RGS9: variants seen among roughly 807,000 people sequenced by gnomAD.
The protein encoded by RGS9 is regulator of G-protein signalling 9.
Under a neutral mutation model 102.0 loss-of-function variants are expected in RGS9, and 78 were observed. The ratio of observed to expected loss-of-function variants is 0.76; its 90% confidence interval spans 0.64 to 0.92. The LOEUF (loss-of-function observed/expected upper bound fraction) is 0.92, where lower values mean the gene tolerates loss of function less well. Among genes scored for constraint, RGS9 ranks in the 40% least tolerant of loss-of-function variants. The pLI is 0.00. For synonymous variants in RGS9, 353 were observed against 318.6 expected (o/e 1.11, Z -1.15); for missense variants, 833 against 866.1 (o/e 0.96, Z 0.48).
intron 12 of RGS9, among the ~76,000 whole-genome samples, chr17:65,196,882 C>G (rs1912609740): frequency 6.6e-6 from 1 of 152,242 alleles, no homozygotes; most frequent in Admixed American, 6.5e-5. Flanking sequence ...TGAGTGTGGG[C>G]TCCCCACGGT....
chr17:65,225,845 G>A (rs1482996012), intron 18 of RGS9, among the ~76,000 whole-genome samples: 1 of 152,230 alleles, frequency 6.6e-6, no homozygotes, highest in African/African-American at 2.4e-5. Flanking sequence ...TGGCAGCAGT[G>A]GGAGCTGCAG....
intron 17 of RGS9, among the ~76,000 whole-genome samples, chr17:65,222,714 G>T (rs551304625): frequency 1.3e-5 from 2 of 152,194 alleles, no homozygotes; most frequent in Non-Finnish European, 2.9e-5. Context: ...AAGTAGAGTT[G>T]CACCTCCCTA....
At chr17:65,212,742 C>T (rs1351940968) in intron 17 of RGS9, among the ~76,000 whole-genome samples, 1 of 152,192 alleles carries the variant, frequency 6.6e-6, no homozygotes, top group African/African-American at 2.4e-5. Context: ...GGTTGCAGAC[C>T]AGTTTCCACT....
chr17:65,188,982 G>A (rs1912247978), intron 9 of RGS9: 6 of 455,214 alleles, frequency 1.3e-5, no homozygotes, highest in Non-Finnish European at 2.0e-5. Flanking sequence ...AGATCATTCT[G>A]TAGGCACTAT....
chr17:65,198,921 G>A (rs1175357289), intron 13 of RGS9, among the ~76,000 whole-genome samples: 1 of 152,178 alleles, frequency 6.6e-6, no homozygotes, highest in Non-Finnish European at 1.5e-5. Flanking sequence ...TGGATGGACT[G>A]GCGAATAAGT....
chr17:65,139,336 A>G (rs971646661), intron 1 of RGS9, among the ~76,000 whole-genome samples: 3 of 150,482 alleles, frequency 2.0e-5, no homozygotes, highest in Non-Finnish European at 3.0e-5. Context: ...CCCCAAATCA[A>G]TGGTGACCTC....
chr17:65,186,180 T>TTATG (rs1181563890), intron 9 of RGS9, among the ~76,000 whole-genome samples: 1 of 150,078 alleles, frequency 6.7e-6, no homozygotes, highest in African/African-American at 2.5e-5. Flanking sequence ...ATTTATTTAT[T>TTATG]TATTTATTTA....
chr17:65,151,064 G>A (rs77887860), intron 1 of RGS9, among the ~76,000 whole-genome samples: 3 of 152,132 alleles, frequency 2.0e-5, no homozygotes, highest in Admixed American at 6.5e-5. Context: ...AATCCTTCAC[G>A]CCAGGTGTGG....
At chr17:65,210,645 G>A (rs1048969780) in intron 17 of RGS9, 40 bp downstream of exon 17, 7 of 1,611,182 alleles carry the variant, frequency 4.3e-6, no homozygotes, top group Non-Finnish European at 5.9e-6. Context: ...ACTCCAAAAA[G>A]AGCTGCCTCC....
intron 13 of RGS9, among the ~76,000 whole-genome samples, chr17:65,197,871 A>G (rs898598786): frequency 2.0e-5 from 3 of 151,956 alleles, no homozygotes; most frequent in Non-Finnish European, 2.9e-5. Flanking sequence ...GGGTTTCACC[A>G]TATTGGCCAC....
At chr17:65,224,681 T>C (rs1194026235) in intron 17 of RGS9, among the ~76,000 whole-genome samples, 1 of 151,918 alleles carries the variant, frequency 6.6e-6, no homozygotes, top group Admixed American at 6.5e-5. Flanking sequence ...AGTTGAGGGG[T>C]GATCGGGAAT....
At chr17:65,161,552 C>T (rs867436571) in intron 6 of RGS9, among the ~76,000 whole-genome samples, 3 of 151,038 alleles carry the variant, frequency 2.0e-5, no homozygotes, top group Admixed American at 6.6e-5. Context: ...GTGCCTGGCC[C>T]GAACTTCAAT....
At chr17:65,179,049 A>G (rs140732595) in intron 9 of RGS9, among the ~76,000 whole-genome samples, 136 of 152,308 alleles carry the variant, frequency 8.9e-4, no homozygotes, top group African/African-American at 3.2e-3. Flanking sequence ...GATCTTAGGT[A>G]GTTTCATTGC....
At position 65,163,106 on chromosome 17, in the gene RGS9, C is replaced by G. The variant is rs761138791; in HGVS notation, c.500+17C>G. On this transcript the variant is annotated intron_variant, in intron 7 of 18. Coordinates refer to ENST00000262406, the MANE Select transcript of RGS9 (RefSeq NM_003835.4). The stretch of plus-strand genomic sequence containing the variant: ...GCAGTACAGGTGAGTGAAAGGAGAC[C>G]ATGCTTGTCCTCTCGGTGTCTTTCC... The G allele has an allele frequency of 7.3e-7, 1 of 1,376,310 alleles. No homozygotes were observed. Among genetic ancestry groups the G allele is most frequent in the Non-Finnish European group, 1.0e-6 (1 of 968,512 alleles). The allele number at this position is 1,376,310 out of a possible 1,614,324, so 85.3% of individuals were successfully genotyped here.
At chr17:65,215,288 A>C (rs1029494206) in intron 17 of RGS9, among the ~76,000 whole-genome samples, 28 of 152,162 alleles carry the variant, frequency 1.8e-4, no homozygotes, top group African/African-American at 6.5e-4. Context: ...AAGAAATTAA[A>C]GAAGACCCAG....
At chr17:65,215,480 C>CTT (rs1491435249) in intron 17 of RGS9, among the ~76,000 whole-genome samples, 3 of 111,342 alleles carry the variant, frequency 2.7e-5, no homozygotes, top group African/African-American at 1.7e-4. Context: ...CTTTCTCTAT[C>CTT]TTTCTTTCGT....
intron 12 of RGS9, among the ~76,000 whole-genome samples, chr17:65,194,782 G>A (rs1389963008): frequency 2.0e-5 from 3 of 152,276 alleles, no homozygotes; most frequent in Admixed American, 2.0e-4. Context: ...GGGAGGTGGG[G>A]TGATGGGAAA....
intron 1 of RGS9, among the ~76,000 whole-genome samples, chr17:65,143,469 A>G (rs1910233712): frequency 6.6e-6 from 1 of 152,166 alleles, no homozygotes; most frequent in Non-Finnish European, 1.5e-5. Flanking sequence ...ATCAAGACCC[A>G]TCTCTATAAG....
intron 7 of RGS9, among the ~76,000 whole-genome samples, chr17:65,167,119 G>A (rs1055228851): frequency 6.6e-6 from 1 of 152,216 alleles, no homozygotes; most frequent in African/African-American, 2.4e-5. Flanking sequence ...CCTGGAGGAA[G>A]AAGGCCCTGC....
Sources: gnomAD v4.1 joint callset for allele counts (sites outside exome capture counted in the v4.1 genomes callset) on GRCh38, gnomAD v4.1.1 for gene constraint, MANE v1.5 for transcripts, NCBI Gene and HGNC (gene_info 2026-07-23, HGNC 2026-07-21) for gene names.